Variants in XKR6 observed in about 807,000 individuals in gnomAD.
The protein encoded by XKR6 is XK-related protein 6.
A neutral mutation model predicts 56.7 loss-of-function variants in XKR6; 22 were observed. The observed-to-expected ratio is 0.39, with a 90% CI of 0.28 to 0.55. The LOEUF (loss-of-function observed/expected upper bound fraction) is 0.55. Among genes scored for constraint, XKR6 ranks in the 20% least tolerant of loss-of-function variants. The pLI is 0.66. For missense variants in XKR6, 852 were observed against 889.0 expected (o/e 0.96, Z 0.53); for synonymous variants, 524 against 387.8 (o/e 1.35, Z -4.13).
Position 10,911,245 on chromosome 8 carries a change from G to T in XKR6, c.962-12329C>A, listed in dbSNP as rs190384273. On this transcript the variant is annotated intron_variant, in intron 2 of 2. Transcript: ENST00000416569. ...GTGTGTGTGTGTGTGTGTATAGAGA[G>T]AGAGAGAGAGACAGAATATGTATAT... 1.3e-3 allele frequency among the ~76,000 whole-genome samples: 181 copies of T among 144,282 alleles called. 2 individuals are homozygous for T. The highest frequency in any genetic ancestry group is 2.2e-3 in the Non-Finnish European group (142 of 64,996). 94.7% of individuals were successfully genotyped at this position (144,282 alleles called of 152,430 possible).
At chr8:11,017,134 G>A (rs574629017) in intron 1 of XKR6, among the ~76,000 whole-genome samples, 37 of 152,306 alleles carry the variant, frequency 2.4e-4, no homozygotes, top group Admixed American at 2.3e-3. Context: ...TGATAAAAAG[G>A]CATAGATGAT....
chr8:10,965,005 C>T (rs962007035), intron 1 of XKR6, among the ~76,000 whole-genome samples: 2 of 152,240 alleles, frequency 1.3e-5, no homozygotes, highest in African/African-American at 4.8e-5. Context: ...CTTTACATCG[C>T]CTTCCCTTTC....
At chr8:11,134,821 C>T (rs1392572299) in intron 1 of XKR6, among the ~76,000 whole-genome samples, 1 of 151,796 alleles carries the variant, frequency 6.6e-6, no homozygotes, top group Non-Finnish European at 1.5e-5. Context: ...TAGAAAAGGC[C>T]TAAATGACCA....
At chr8:11,040,857 T>G (rs1799269764) in intron 1 of XKR6, among the ~76,000 whole-genome samples, 1 of 152,170 alleles carries the variant, frequency 6.6e-6, no homozygotes, top group South Asian at 2.1e-4. Flanking sequence ...ACAGAATCAT[T>G]GCTTGTAGCG....
At chr8:11,008,196 C>A (rs550824014) in intron 1 of XKR6, among the ~76,000 whole-genome samples, 1 of 152,236 alleles carries the variant, frequency 6.6e-6, no homozygotes, top group South Asian at 2.1e-4. Flanking sequence ...GAATGAAGCC[C>A]AATCTCTCTA....
intron 1 of XKR6, among the ~76,000 whole-genome samples, chr8:11,149,204 A>C (rs940763910): frequency 6.6e-6 from 1 of 152,216 alleles, no homozygotes; most frequent in African/African-American, 2.4e-5. Context: ...ATTACAGTGC[A>C]CTTACACACG....
intron 1 of XKR6, among the ~76,000 whole-genome samples, chr8:10,968,106 G>A (rs1031827632): frequency 1.3e-5 from 2 of 152,214 alleles, no homozygotes; most frequent in Admixed American, 6.5e-5. Context: ...GGTACCCAGG[G>A]TCTGTCCCCC....
chr8:11,143,455 G>C (rs1800808652), intron 1 of XKR6, among the ~76,000 whole-genome samples: 1 of 152,166 alleles, frequency 6.6e-6, no homozygotes, highest in Admixed American at 6.5e-5. Context: ...AAACACAAGA[G>C]GACAGAGGAA....
intron 1 of XKR6, among the ~76,000 whole-genome samples, chr8:11,144,880 AGAAGGG>A (rs749566606): frequency 1.4e-5 from 2 of 144,076 alleles, no homozygotes; most frequent in Admixed American, 7.4e-5. Flanking sequence ...GGGAAAGGAG[AGAAGGG>A]GAAGGGGAAG....
At chr8:11,056,891 T>C (rs1317900075) in intron 1 of XKR6, among the ~76,000 whole-genome samples, 1 of 152,122 alleles carries the variant, frequency 6.6e-6, no homozygotes, top group Admixed American at 6.6e-5. Context: ...AGGCCTCTAG[T>C]CTCACCCTTC....
chr8:11,059,380 G>T (rs1333866707), intron 1 of XKR6, among the ~76,000 whole-genome samples: 1 of 152,228 alleles, frequency 6.6e-6, no homozygotes, highest in East Asian at 1.9e-4. Context: ...CCAGCCCCCA[G>T]CGAACTGGAG....
At chr8:10,925,066 G>A (rs1221967841) in intron 1 of XKR6, among the ~76,000 whole-genome samples, 2 of 152,176 alleles carry the variant, frequency 1.3e-5, no homozygotes, top group Admixed American at 1.3e-4. Flanking sequence ...GGACCCCTAG[G>A]CAGGTCTTCC....
chr8:11,148,617 G>A (rs183293339), intron 1 of XKR6, among the ~76,000 whole-genome samples: 7 of 152,288 alleles, frequency 4.6e-5, no homozygotes, highest in East Asian at 3.9e-4. Context: ...AAACAGTTTC[G>A]CAGTTTTTTA....
intron 1 of XKR6, among the ~76,000 whole-genome samples, chr8:10,986,675 T>C (rs1015017114): frequency 6.6e-6 from 1 of 152,228 alleles, no homozygotes; most frequent in African/African-American, 2.4e-5. Flanking sequence ...CTATCAAATA[T>C]ATCAGCTGAA....
At chr8:11,121,297 C>T (rs1027208639) in intron 1 of XKR6, among the ~76,000 whole-genome samples, 3 of 151,992 alleles carry the variant, frequency 2.0e-5, no homozygotes, top group Admixed American at 6.6e-5. Flanking sequence ...ATCTGACAAA[C>T]GGCTAATATC....
chr8:11,070,340 CT>C (rs1800084406), intron 1 of XKR6, among the ~76,000 whole-genome samples: 1 of 152,102 alleles, frequency 6.6e-6, no homozygotes, highest in South Asian at 2.1e-4. Flanking sequence ...GTACACTTCA[CT>C]GAAAAAAATA....
chr8:11,200,515 A>G lies in XKR6; in HGVS notation c.764+61T>C. Reference sequence around the variant, plus strand: ...CTTTCGAGGGGCCGCCCCGCGAAGCACCGGGAGGGCGGAGGGGGGCTCCTC... The same window carrying G: ...CTTTCGAGGGGCCGCCCCGCGAAGCGCCGGGAGGGCGGAGGGGGGCTCCTC... On this transcript the variant is annotated intron_variant, in intron 1 of 2. Transcript: ENST00000416569. The surrounding 1 kb of genome is among the most constrained non-coding windows in gnomAD (Gnocchi z 6.4). 2 of 1,389,424 alleles carry G rather than the reference A, an allele frequency of 1.4e-6. No homozygotes were observed. Among genetic ancestry groups the G allele is most frequent in the Non-Finnish European group, 1.9e-6 (2 of 1,079,838 alleles). The allele number at this position is 1,389,424 out of a possible 1,614,324, so 86.1% of individuals were successfully genotyped here. A position where few individuals can be genotyped will look rare whatever the true frequency, so the allele number is the denominator to read the frequency against.
chr8:11,132,773 A>G (rs1800173429), intron 1 of XKR6, among the ~76,000 whole-genome samples: 1 of 142,516 alleles, frequency 7.0e-6, no homozygotes, highest in South Asian at 2.3e-4. Context: ...GCACGCACAC[A>G]CACACACACA....
intron 1 of XKR6, among the ~76,000 whole-genome samples, chr8:11,171,049 G>A (rs1361617661): frequency 6.6e-6 from 1 of 152,212 alleles, no homozygotes; most frequent in Admixed American, 6.5e-5. Flanking sequence ...AAAAAGAACT[G>A]AGAAAATGTT....
Sources: allele counts gnomAD v4.1 joint callset (sites outside exome capture counted in the v4.1 genomes callset), GRCh38; gene constraint gnomAD v4.1.1; non-coding constraint Gnocchi (gnomAD v3.1); transcripts MANE v1.5; gene names NCBI Gene and HGNC (gene_info 2026-07-23, HGNC 2026-07-21).